NSF: variants seen among roughly 807,000 people sequenced by gnomAD.
NSF encodes the protein vesicle-fusing ATPase.
Under a neutral mutation model 50.3 loss-of-function variants are expected in NSF, and 14 were observed. The observed-to-expected ratio is 0.28, with a 90% confidence interval of 0.18 to 0.44. NSF has a LOEUF of 0.44. Ranked by LOEUF, NSF falls within the 20% of genes least tolerant of loss-of-function variation. NSF has a pLI of 1.00. For missense variants in NSF, 218 were observed against 504.3 expected (o/e 0.43, Z 5.44); for synonymous variants, 109 against 175.7 (o/e 0.62, Z 3.00).
intron 8 of NSF, among the ~76,000 whole-genome samples, chr17:46,671,581 A>G (rs2058370121): frequency 2.9e-5 from 1 of 34,616 alleles, no homozygotes; most frequent in East Asian, 3.1e-4. Context: ...CTCATTTGAG[A>G]TCCTAAAAGA....
chr17:46,712,719 G>A (rs766183222), intron 14 of NSF, among the ~76,000 whole-genome samples: 1 of 152,080 alleles, frequency 6.6e-6, no homozygotes, highest in African/African-American at 2.4e-5. Flanking sequence ...GGGTTGAGAC[G>A]AAAAGGAGGC....
At chr17:46,709,183 A>G (rs527357946) in intron 13 of NSF, among the ~76,000 whole-genome samples, 1 of 152,220 alleles carries the variant, frequency 6.6e-6, no homozygotes, top group African/African-American at 2.4e-5. Flanking sequence ...ACAAAAGCCA[A>G]TTTGGTTAGC....
At chr17:46,749,003 G>A (rs2059157165) in intron 17 of NSF, among the ~76,000 whole-genome samples, 1 of 152,182 alleles carries the variant, frequency 6.6e-6, no homozygotes, top group African/African-American at 2.4e-5. Flanking sequence ...TGTGGTGGGG[G>A]AAGGGGGGTA....
chr17:46,681,518 A>G (rs1173900566), intron 9 of NSF, among the ~76,000 whole-genome samples: 6 of 150,794 alleles, frequency 4.0e-5, no homozygotes, highest in African/African-American at 1.2e-4. Flanking sequence ...ATAGATTTAC[A>G]TAGATCGACA....
intron 17 of NSF, among the ~76,000 whole-genome samples, chr17:46,746,226 A>G (rs747008872): frequency 6.6e-6 from 1 of 152,192 alleles, no homozygotes; most frequent in Non-Finnish European, 1.5e-5. Flanking sequence ...AATAATGATT[A>G]CCCTTTAATC....
intron 8 of NSF, among the ~76,000 whole-genome samples, chr17:46,657,428 C>T (rs1016274476): frequency 1.3e-5 from 2 of 152,108 alleles, no homozygotes; most frequent in African/African-American, 4.8e-5. Context: ...TTGGATTTGT[C>T]ATTGAATGGC....
chr17:46,658,047 A>AT (rs573780542), intron 8 of NSF, among the ~76,000 whole-genome samples: 5 of 36,710 alleles, frequency 1.4e-4, no homozygotes, highest in African/African-American at 5.4e-4. Context: ...GTGTATCAGA[A>AT]TTTTTTTTTT....
chr17:46,730,663 CA>C (rs576317427), intron 17 of NSF, among the ~76,000 whole-genome samples: 3 of 151,518 alleles, frequency 2.0e-5, no homozygotes, highest in Non-Finnish European at 2.9e-5. Flanking sequence ...ACCTTATCAA[CA>C]AAAAAAAATT....
At chr17:46,752,146 G>A (rs2059187268) in intron 19 of NSF, among the ~76,000 whole-genome samples, 1 of 152,324 alleles carries the variant, frequency 6.6e-6, no homozygotes. Context: ...GAAATTTCAT[G>A]CAAACTACTG....
intron 15 of NSF, among the ~76,000 whole-genome samples, chr17:46,723,762 C>G (rs2058856942): frequency 6.6e-6 from 1 of 152,192 alleles, no homozygotes; most frequent in Non-Finnish European, 1.5e-5. Context: ...TGTCCACTTA[C>G]CAGCACACCC....
At chr17:46,635,657 G>A (rs1206735305) in intron 4 of NSF, among the ~76,000 whole-genome samples, 76 of 79,548 alleles carry the variant, frequency 9.6e-4, no homozygotes, top group African/African-American at 4.1e-3. Flanking sequence ...GATAAAAGTT[G>A]GTCAGCTTTC....
At chr17:46,755,766 C>A in intron 20 of NSF, 36 bp from the exon 21 acceptor site, 1 of 1,551,124 alleles carries the variant, frequency 6.4e-7, no homozygotes. Flanking sequence ...TACGGACCCT[C>A]ATCTGTTTTT....
At chr17:46,734,716 T>A (rs1404625087) in intron 17 of NSF, among the ~76,000 whole-genome samples, 1 of 152,116 alleles carries the variant, frequency 6.6e-6, no homozygotes, top group East Asian at 1.9e-4. Context: ...TTAAAGAACA[T>A]ATATATATAG....
chr17:46,679,745 A>C (rs2058436466), intron 9 of NSF, among the ~76,000 whole-genome samples: 1 of 151,944 alleles, frequency 6.6e-6, no homozygotes, highest in African/African-American at 2.4e-5. Flanking sequence ...TCAAATGTGC[A>C]TGTGAAAGTT....
chr17:46,730,644 T>C (rs1242382397), intron 17 of NSF, among the ~76,000 whole-genome samples: 1 of 152,212 alleles, frequency 6.6e-6, no homozygotes, highest in African/African-American at 2.4e-5. Context: ...ACGTACATGC[T>C]TCACAAATAC....
chr17:46,722,190 C>A lies in NSF; in HGVS notation c.1762-4359C>A, dbSNP rs2058838095. 11 of 1,602,226 alleles carry A rather than the reference C, an allele frequency of 6.9e-6. No homozygotes were observed. The South Asian group carries it at 1.2e-4, about 18-fold the overall frequency. On this transcript the variant is annotated intron_variant, in intron 15 of 20. Transcript: ENST00000398238. ...CATGGCTTTCTCCTGGGAGAACTTGCAGCGCCTGCTTAGGAAGAGACCCAA... is the reference window on the plus strand; with the variant it reads ...CATGGCTTTCTCCTGGGAGAACTTGAAGCGCCTGCTTAGGAAGAGACCCAA...
chr17:46,726,741 C>G (rs1159497369), intron 16 of NSF, 126 bp downstream of exon 16: 1 of 849,912 alleles, frequency 1.2e-6, no homozygotes, highest in Non-Finnish European at 2.0e-6. Flanking sequence ...CTTTGTCTTA[C>G]AAGGAAATAT....
At chr17:46,739,455 C>T (rs1269359435) in intron 17 of NSF, among the ~76,000 whole-genome samples, 2 of 148,848 alleles carry the variant, frequency 1.3e-5, no homozygotes, top group Non-Finnish European at 3.0e-5. Context: ...GGGAGAATCA[C>T]CTGAGCCCAG....
At position 46,738,283 on chromosome 17, in the gene NSF, T is replaced by C. The variant is rs149165653; in HGVS notation, c.1908+9349T>C. 5.4e-4 allele frequency among the ~76,000 whole-genome samples: 83 copies of C among 152,310 alleles called. No homozygotes were observed. The East Asian group carries it at 0.014, about 27-fold the overall frequency. On this transcript the variant is annotated intron_variant, in intron 17 of 20. Coordinates refer to ENST00000398238, the MANE Select transcript of NSF (RefSeq NM_006178.4). ...TATGATACTTGAGAATTTGAGGATA[T>C]GTTCTGTGTACTTATCTTAGGCTTC...
Sources: gnomAD v4.1 joint callset for allele counts (sites outside exome capture counted in the v4.1 genomes callset) on GRCh38, gnomAD v4.1.1 for gene constraint, MANE v1.5 for transcripts, NCBI Gene and HGNC (gene_info 2026-07-23, HGNC 2026-07-21) for gene names.